The following NAPSA variants were observed in gnomAD, a reference collection of about 807,000 sequenced individuals.
NAPSA encodes the protein napsin A aspartic peptidase, also known as napsin-A.
A neutral mutation model predicts 36.7 loss-of-function variants in NAPSA; 37 were observed. That is an observed-to-expected ratio of 1.01 (90% CI 0.78 to 1.33). The LOEUF (loss-of-function observed/expected upper bound fraction) is 1.33. Ranked by LOEUF, NAPSA falls within the 40% of genes most tolerant of loss-of-function variation. NAPSA has a pLI of 0.00. For synonymous variants in NAPSA, 222 were observed against 234.5 expected (o/e 0.95, Z 0.49); for missense variants, 532 against 543.8 (o/e 0.98, Z 0.21).
At chr19:50,366,527 C>A (rs2037551474), upstream of NAPSA, among the ~76,000 whole-genome samples, 1 of 152,132 alleles carries the variant, frequency 6.6e-6, no homozygotes, top group African/African-American at 2.4e-5. Context: ...GGAAAGGTCA[C>A]ATATCTCTGT....
At position 50,359,065 on chromosome 19, in the gene NAPSA, G is replaced by A; in HGVS notation, c.981C>T (p.Ser327=). The A allele has an allele frequency of 1.2e-6, 2 of 1,614,124 alleles. No homozygotes were observed. The highest frequency in any genetic ancestry group is 1.7e-6 in the Non-Finnish European group (2 of 1,180,004). ...CSEIPKLPAV[S]FLLGGVWFNL... ...TAAACCAGACCCCCCCAAGAAGGAAGGAGACTGCGGGGAGCTTTGGGATTT... is the reference window on the plus strand; with the variant it reads ...TAAACCAGACCCCCCCAAGAAGGAAAGAGACTGCGGGGAGCTTTGGGATTT... The change falls in exon 8 of 9, where the codon TCC becomes TCT. Residue 327 remains serine, a synonymous_variant. Coordinates refer to ENST00000253719, the MANE Select transcript of NAPSA (RefSeq NM_004851.3).
chr19:50,361,003 C>T lies in NAPSA; in HGVS notation c.606G>A (p.Pro202=), dbSNP rs200603901. ...GCCCCTGCTCCACCAGTACATCCAT[C>T]GGGGGCCGAACTCCTTCCACAGACA... ...PILSVEGVRP[P]MDVLVEQGLL... The change falls in exon 5 of 9, where the codon CCG becomes CCA. Residue 202 remains proline, a synonymous_variant. Transcript: ENST00000253719. 41 of 1,614,020 alleles carry T rather than the reference C, an allele frequency of 2.5e-5. No homozygotes were observed. The highest frequency in any genetic ancestry group is 4.4e-5 in the South Asian group (4 of 91,070).
intron 4 of NAPSA, 177 bp downstream of exon 4, chr19:50,361,486 C>G: frequency 3.1e-6 from 2 of 638,454 alleles, no homozygotes; most frequent in South Asian, 3.8e-5. Context: ...CAGGAAGCCC[C>G]TCCCCCTCCT....
rs1360400395 is a variant in NAPSA at position 50,358,826 on chromosome 19, G to C, written c.1036-46C>G. ...AACTGGGTGTCGCGGCCACAAGGAC[G>C]GCCATTTGCCTGGGAGCCCGTCCAT... On this transcript the variant is annotated intron_variant, in intron 8 of 8. Coordinates refer to ENST00000253719, the MANE Select transcript of NAPSA (RefSeq NM_004851.3). 9 of 1,535,606 alleles carry C rather than the reference G, an allele frequency of 5.9e-6. No homozygotes were observed. In the South Asian group the frequency reaches 1.1e-4, roughly 18 times the overall value.
intron 1 of NAPSA, among the ~76,000 whole-genome samples, chr19:50,363,039 A>G (rs148777483): frequency 6.6e-6 from 1 of 152,322 alleles, no homozygotes; most frequent in Non-Finnish European, 1.5e-5. Flanking sequence ...TTTTCTTTGC[A>G]TTGACTTAGA....
At chr19:50,360,177 C>G (rs2037454007) in intron 5 of NAPSA, among the ~76,000 whole-genome samples, 1 of 152,080 alleles carries the variant, frequency 6.6e-6, no homozygotes, top group Admixed American at 6.5e-5. Context: ...GGAATTGGCT[C>G]TTGAAGGTGT....
At chr19:50,361,531 C>A in intron 4 of NAPSA, 132 bp downstream of exon 4, 1 of 786,782 alleles carries the variant, frequency 1.3e-6, no homozygotes, top group East Asian at 2.5e-5. Context: ...GAAAGGCAGG[C>A]CCTCCTCCCC....
Position 50,361,003 on chromosome 19 carries a change from C to A in NAPSA, c.606G>T (p.Pro202=), listed in dbSNP as rs200603901. The A allele has an allele frequency of 4.3e-6, 7 of 1,614,138 alleles. No individual in the cohort carries two copies. The East Asian group carries it at 6.7e-5, about 15-fold the overall frequency. Residue 202 remains proline, a synonymous_variant, in exon 5 of 9, where the codon CCG becomes CCT. Coordinates refer to ENST00000253719, the MANE Select transcript of NAPSA (RefSeq NM_004851.3). ...GCCCCTGCTCCACCAGTACATCCAT[C>A]GGGGGCCGAACTCCTTCCACAGACA... The part of the protein sequence containing the change: ...PILSVEGVRP[P]MDVLVEQGLL...
chr19:50,361,138 A>C lies in NAPSA; in HGVS notation c.471T>G (p.Ile157Met). Residue 157 changes from isoleucine to methionine, a missense_variant and splice_region_variant, in exon 5 of 9, where the codon ATT (isoleucine) becomes ATG (methionine). Coordinates refer to ENST00000253719, the MANE Select transcript of NAPSA (RefSeq NM_004851.3). ...TCACTGATGCACCCTTGATTCCACC[A>C]ATCTAGGGGTAGATTGAGATGTGAC... ...DGILSEDKLT[I>M]GGIKGASVIF... 6.2e-7 allele frequency: 1 copy of C among 1,613,332 alleles called. No individual in the cohort carries two copies. Among genetic ancestry groups the C allele is most frequent in the Non-Finnish European group, 8.5e-7 (1 of 1,179,800 alleles).
At chr19:50,359,179 G>A (rs1424544994) in intron 7 of NAPSA, 70 bp from the exon 8 acceptor site, 2 of 1,340,458 alleles carry the variant, frequency 1.5e-6, no homozygotes, top group East Asian at 4.6e-5. Context: ...TGGCTCCCCA[G>A]TGCCATAGGG....
upstream of NAPSA, among the ~76,000 whole-genome samples, chr19:50,367,576 C>CTCTCTG (rs1156949637): frequency 2.7e-5 from 4 of 146,610 alleles, no homozygotes; most frequent in South Asian, 6.6e-4. Context: ...CTCTCTCTCT[C>CTCTCTG]TCTCTGTCTC....
At chr19:50,368,992 T>C (rs955937783), upstream of NAPSA, among the ~76,000 whole-genome samples, 3 of 152,146 alleles carry the variant, frequency 2.0e-5, no homozygotes, top group African/African-American at 7.2e-5. Context: ...GCCCGGCCAA[T>C]GGGACCTGGA....
upstream of NAPSA, among the ~76,000 whole-genome samples, chr19:50,368,484 A>G (rs1043994344): frequency 1.3e-5 from 2 of 152,128 alleles, no homozygotes; most frequent in Non-Finnish European, 2.9e-5. Context: ...AGAGTGAGAC[A>G]CTGTCTCAAC....
At chr19:50,366,560 T>G (rs1314717966), upstream of NAPSA, among the ~76,000 whole-genome samples, 1 of 152,188 alleles carries the variant, frequency 6.6e-6, no homozygotes, top group African/African-American at 2.4e-5. Context: ...TGGTCCTTGG[T>G]GGCTTATTTG....
At position 50,361,692 on chromosome 19, in the gene NAPSA, C is replaced by T; in HGVS notation, c.439G>A (p.Asp147Asn). The change falls in exon 4 of 9, where the codon GAT becomes AAT. Residue 147 changes from aspartate (D) to asparagine (N), a missense_variant. Transcript: ENST00000253719. ...FAIQYGTGRV[D>N]GILSEDKLTI... ...AGCTTGTCCTCGCTCAGGATTCCAT[C>T]TACCCGCCCAGTTCCATATTGAATG... is the stretch of plus-strand genomic sequence containing the variant. 1 of 1,614,088 alleles carries T rather than the reference C, an allele frequency of 6.2e-7. No individual in the cohort carries two copies. The highest frequency in any genetic ancestry group is 8.5e-7 in the Non-Finnish European group (1 of 1,180,018).
chr19:50,364,101 C>T (rs1038180743), intron 1 of NAPSA, among the ~76,000 whole-genome samples: 3 of 151,372 alleles, frequency 2.0e-5, no homozygotes, highest in Admixed American at 6.6e-5. Context: ...AGGCAGATCA[C>T]GAAGTCAGGA....
chr19:50,367,285 G>A (rs2037559850), upstream of NAPSA, among the ~76,000 whole-genome samples: 1 of 152,206 alleles, frequency 6.6e-6, no homozygotes, highest in African/African-American at 2.4e-5. Context: ...GGTATTTATT[G>A]TAGTCTTTGC....
chr19:50,363,153 C>G (rs977168311), intron 1 of NAPSA, among the ~76,000 whole-genome samples: 5 of 152,158 alleles, frequency 3.3e-5, no homozygotes, highest in African/African-American at 4.8e-5. Flanking sequence ...CTTGTCACAT[C>G]ACTCACACCT....
chr19:50,364,127 G>T (rs1252912063), intron 1 of NAPSA, among the ~76,000 whole-genome samples: 3 of 151,250 alleles, frequency 2.0e-5, no homozygotes, highest in Non-Finnish European at 2.9e-5. Flanking sequence ...AGACCAGCTT[G>T]GCCAACATGG....
Sources: gnomAD v4.1 joint callset for allele counts (sites outside exome capture counted in the v4.1 genomes callset) on GRCh38, gnomAD v4.1.1 for gene constraint, MANE v1.5 for transcripts, NCBI Gene and HGNC (gene_info 2026-07-23, HGNC 2026-07-21) for gene names.